SS18: variants seen among roughly 807,000 people sequenced by gnomAD.
SS18 encodes SS18 subunit of BAF chromatin remodeling complex.
SS18 carries 28 observed loss-of-function variants against 72.5 expected under a neutral mutation model. The ratio of observed to expected loss-of-function variants is 0.39; its 90% CI spans 0.29 to 0.53. The LOEUF is 0.53. Ranked by LOEUF, SS18 falls within the 20% of genes least tolerant of loss-of-function variation. SS18 has a pLI of 0.76. For missense variants in SS18, 518 were observed against 535.3 expected, an observed-to-expected ratio of 0.97 and a Z score of 0.32; for synonymous variants, 172 against 164.2, an observed-to-expected ratio of 1.05 and a Z score of -0.37.
At chr18:26,022,107 A>G (rs1308374342) in intron 10 of SS18, among the ~76,000 whole-genome samples, 1 of 152,174 alleles carries the variant, frequency 6.6e-6, no homozygotes, top group Non-Finnish European at 1.5e-5. Flanking sequence ...AAATCTTAAC[A>G]TTATTCCTTC....
intron 5 of SS18, among the ~76,000 whole-genome samples, chr18:26,045,967 A>G (rs2053813129): frequency 1.3e-5 from 2 of 152,182 alleles, no homozygotes; most frequent in South Asian, 4.2e-4. Context: ...TGGGTGGATC[A>G]CTTGAGGTCA....
chr18:26,034,999 C>G lies in SS18; in HGVS notation c.1096+6G>C. 1 of 1,612,608 alleles carries G rather than the reference C, an allele frequency of 6.2e-7. No homozygotes were observed. Among genetic ancestry groups the G allele is most frequent in the Non-Finnish European group, 8.5e-7 (1 of 1,179,162 alleles). Reference sequence around the variant, plus strand: ...GGTGATAAAAATACACTGTACAAAGCTTTACCGTAGCCCTGCTGCTGTCCT... The same window carrying G: ...GGTGATAAAAATACACTGTACAAAGGTTTACCGTAGCCCTGCTGCTGTCCT... On this transcript the variant is annotated splice_donor_region_variant and intron_variant, in intron 9 of 10. Coordinates refer to ENST00000415083, the MANE Select transcript of SS18 (RefSeq NM_001007559.3).
intron 9 of SS18, 33 bp downstream of exon 9, chr18:26,034,972 T>G (rs2053602448): frequency 1.9e-6 from 3 of 1,587,826 alleles, no homozygotes; most frequent in Admixed American, 3.7e-5. Flanking sequence ...GCACATTTTT[T>G]TGGTGATAAA....
At position 26,032,468 on chromosome 18, in the gene SS18, A is replaced by G. The variant is rs779306175; in HGVS notation, c.1161T>C (p.Tyr387=). 1.9e-6 allele frequency: 3 copies of G among 1,613,888 alleles called. No individual in the cohort carries two copies. The South Asian group carries it at 3.3e-5, about 18-fold the overall frequency. ...PNYPQGQGQQ[Y]GGYRPTQPGP... ...CAGGCTGTGTTGGTCTATATCCTCC[A>G]TACTGCTGACCTTGTCCCTGTGGGT... The change falls in exon 10 of 11, where the codon TAT becomes TAC. Residue 387 remains tyrosine (Y), a synonymous_variant. Transcript: ENST00000415083.
At chr18:26,053,501 T>C (rs1426113611) in intron 4 of SS18, among the ~76,000 whole-genome samples, 2 of 151,494 alleles carry the variant, frequency 1.3e-5, no homozygotes, top group African/African-American at 2.4e-5. Flanking sequence ...ATTTAAAAAT[T>C]TGCACGACAT....
chr18:26,065,818 T>TATATATAC (rs2054204884), intron 3 of SS18, among the ~76,000 whole-genome samples: 1 of 141,994 alleles, frequency 7.0e-6, no homozygotes, highest in Non-Finnish European at 1.6e-5. Context: ...TATATATATA[T>TATATATAC]ATATATGATC....
At chr18:26,046,262 T>TCA (rs1452871837) in intron 5 of SS18, among the ~76,000 whole-genome samples, 2 of 136,282 alleles carry the variant, frequency 1.5e-5, no homozygotes, top group East Asian at 3.9e-4. Flanking sequence ...TTAAAGTGTT[T>TCA]CACTTCTTTG....
intron 2 of SS18, among the ~76,000 whole-genome samples, chr18:26,080,647 T>C (rs1167440403): frequency 6.6e-6 from 1 of 152,234 alleles, no homozygotes; most frequent in East Asian, 1.9e-4. Flanking sequence ...AACTGTCAAA[T>C]CTTTTCAATT....
At position 26,090,539 on chromosome 18, in the gene SS18, G is replaced by C. The variant is rs2054706632; in HGVS notation, c.31C>G (p.Arg11Gly). The C allele has an allele frequency of 6.3e-7, 1 of 1,588,508 alleles. No individual in the cohort carries two copies. Among genetic ancestry groups the C allele is most frequent in the African/African-American group, 1.4e-5 (1 of 73,966 alleles). The change falls in exon 1 of 11, where the codon CGA (arginine) becomes GGA (glycine). Residue 11 changes from arginine (R) to glycine (G), a missense_variant. Physicochemically the swap from Arg to Gly is moderately radical, Grantham distance 125. Transcript: ENST00000415083. Reference sequence around the variant, plus strand: ...GCGGGAGTGATCTCCCCCTTGCCTCGCTGCCTCGGGGCCGCGAAAGCCACA... The same window carrying C: ...GCGGGAGTGATCTCCCCCTTGCCTCCCTGCCTCGGGGCCGCGAAAGCCACA... MSVAFAAPRQ[R>G]GKGEITPAAI...
intron 5 of SS18, among the ~76,000 whole-genome samples, chr18:26,043,949 T>G (rs2053774497): frequency 6.6e-6 from 1 of 152,224 alleles, no homozygotes. Context: ...TATTGTCATT[T>G]GTTTCTTTAG....
chr18:26,018,686 T>C (rs752141209), intron 10 of SS18, among the ~76,000 whole-genome samples: 10 of 152,224 alleles, frequency 6.6e-5, no homozygotes, highest in Non-Finnish European at 1.5e-4. Flanking sequence ...TGAGCAGGCA[T>C]TGAGTGAGAA....
intron 2 of SS18, among the ~76,000 whole-genome samples, chr18:26,079,630 G>C (rs758164374): frequency 6.6e-6 from 1 of 152,058 alleles, no homozygotes; most frequent in Non-Finnish European, 1.5e-5. Flanking sequence ...ACCCAGGCTG[G>C]AGCGTGCAGT....
At chr18:26,065,252 A>C (rs1032092131) in intron 3 of SS18, among the ~76,000 whole-genome samples, 23 of 152,192 alleles carry the variant, frequency 1.5e-4, no homozygotes, top group African/African-American at 5.3e-4. Context: ...GAAAATGCAA[A>C]GGACCCAGAA....
chr18:26,018,237 A>C lies in SS18; in HGVS notation c.*117T>G. On this transcript the variant is annotated 3_prime_UTR_variant, in exon 11 of 11. Transcript: ENST00000415083. ...ACTGATGAAACAGCCACTTATCCACAAGGTTTTTCCAAAAACTAGATGGAA... is the reference window on the plus strand; with the variant it reads ...ACTGATGAAACAGCCACTTATCCACCAGGTTTTTCCAAAAACTAGATGGAA... 4.6e-6 allele frequency: 4 copies of C among 872,502 alleles called. No individual in the cohort carries two copies. The highest frequency in any genetic ancestry group is 7.2e-6 in the Non-Finnish European group (4 of 556,526). 54.0% of individuals were successfully genotyped at this position (872,502 alleles called of 1,614,324 possible).
At chr18:26,026,433 A>G (rs995625210) in intron 10 of SS18, among the ~76,000 whole-genome samples, 16 of 152,220 alleles carry the variant, frequency 1.1e-4, no homozygotes, top group African/African-American at 3.1e-4. Context: ...AAATCATGTG[A>G]CAAAATTCAA....
chr18:26,050,488 A>G (rs1223476492), intron 5 of SS18, among the ~76,000 whole-genome samples: 2 of 152,160 alleles, frequency 1.3e-5, no homozygotes, highest in Non-Finnish European at 2.9e-5. Context: ...TCTAGCATCT[A>G]GTAAAAAAAT....
At chr18:26,037,108 A>G (rs2053639297) in intron 7 of SS18, among the ~76,000 whole-genome samples, 1 of 152,160 alleles carries the variant, frequency 6.6e-6, no homozygotes, top group Non-Finnish European at 1.5e-5. Context: ...CGACATAAAT[A>G]GAATACTCTA....
intron 3 of SS18, among the ~76,000 whole-genome samples, chr18:26,061,096 G>A (rs1195383358): frequency 2.6e-5 from 4 of 152,144 alleles, no homozygotes; most frequent in African/African-American, 4.8e-5. Context: ...GGTGGATCAC[G>A]AGGTCAGGAG....
chr18:26,055,831 C>T (rs2054011078), intron 4 of SS18, among the ~76,000 whole-genome samples: 1 of 147,470 alleles, frequency 6.8e-6, no homozygotes, highest in Non-Finnish European at 1.5e-5. Context: ...GATTTCGGCT[C>T]ACTGCAACCT....
Sources: allele counts gnomAD v4.1 joint callset (sites outside exome capture counted in the v4.1 genomes callset), GRCh38; gene constraint gnomAD v4.1.1; transcripts MANE v1.5; gene names NCBI Gene and HGNC (gene_info 2026-07-23, HGNC 2026-07-21).